KIF21A: variants seen among roughly 807,000 people sequenced by gnomAD.
KIF21A encodes kinesin-like protein KIF21A.
In KIF21A, 114 loss-of-function variants were observed where a neutral mutation model predicts 202.9. The observed-to-expected ratio is 0.56, with a 90% confidence interval of 0.48 to 0.66. KIF21A has a LOEUF of 0.66. Among genes scored for constraint, KIF21A ranks in the 30% least tolerant of loss-of-function variants. The pLI, the probability that KIF21A is intolerant of heterozygous loss-of-function variation, is 0.00. For synonymous variants in KIF21A, 667 were observed against 670.8 expected, an observed-to-expected ratio of 0.99 and a Z score of 0.09; for missense variants, 1,677 against 1,994.9, an observed-to-expected ratio of 0.84 and a Z score of 3.04.
chr12:39,294,176 C>A lies in KIF21A; in HGVS notation c.*248G>T, dbSNP rs1327479235. 7.6e-6 allele frequency: 3 copies of A among 394,148 alleles called. No individual in the cohort carries two copies. The highest frequency in any genetic ancestry group is 6.2e-5 in the African/African-American group (3 of 48,644). 24.4% of individuals were successfully genotyped at this position (394,148 alleles called of 1,614,324 possible). On this transcript the variant is annotated 3_prime_UTR_variant, in exon 38 of 38. Transcript: ENST00000361418. Reference sequence around the variant, plus strand: ...ATAGATAGGCACAAAAATTCAGCCACAATAAAAGTGTGAATAAAGCAATAT... The same window carrying A: ...ATAGATAGGCACAAAAATTCAGCCAAAATAAAAGTGTGAATAAAGCAATAT...
chr12:39,308,016 G>A (rs1478539059), intron 33 of KIF21A, among the ~76,000 whole-genome samples: 2 of 151,966 alleles, frequency 1.3e-5, no homozygotes, highest in South Asian at 2.1e-4. Context: ...CCCTGAGTTA[G>A]GAAGGGCTAA....
At chr12:39,304,737 G>A (rs1943289411) in intron 35 of KIF21A, 84 bp downstream of exon 35, 2 of 758,632 alleles carry the variant, frequency 2.6e-6, no homozygotes, top group Admixed American at 4.1e-5. Context: ...AAGAAAATAA[G>A]AGAAAGAGGT....
rs2139518047 is a variant in KIF21A, at chr12:39,385,177, T to C, written c.45-14916A>G. ...GTCTGTCTGCCATAGTCAAGACAGT[T>C]CTTTCTCAGGAACTATGACATTTGA... On this transcript the variant is annotated intron_variant, in intron 1 of 37. Transcript: ENST00000361418. 1.3e-5 allele frequency among the ~76,000 whole-genome samples: 2 copies of C among 152,306 alleles called. 1 individual carries two copies. The highest frequency in any genetic ancestry group is 4.2e-4 in the South Asian group (2 of 4,812).
At chr12:39,377,356 T>C (rs1950333417) in intron 1 of KIF21A, among the ~76,000 whole-genome samples, 1 of 152,150 alleles carries the variant, frequency 6.6e-6, no homozygotes, top group Non-Finnish European at 1.5e-5. Context: ...TTCCTTCCAT[T>C]TCCCCAAAAT....
intron 17 of KIF21A, among the ~76,000 whole-genome samples, chr12:39,336,157 C>A (rs750943706): frequency 6.6e-5 from 10 of 151,988 alleles, no homozygotes; most frequent in Non-Finnish European, 1.2e-4. Flanking sequence ...GGGCTCAAAG[C>A]AATCCTCCGG....
intron 34 of KIF21A, among the ~76,000 whole-genome samples, chr12:39,306,940 C>T (rs1198500803): frequency 6.6e-6 from 1 of 152,084 alleles, no homozygotes; most frequent in South Asian, 2.1e-4. Flanking sequence ...TGTTTCCTTG[C>T]TGCCAAAATT....
intron 1 of KIF21A, among the ~76,000 whole-genome samples, chr12:39,390,753 AAAC>A (rs547583413): frequency 1.7e-4 from 26 of 152,210 alleles, no homozygotes; most frequent in Non-Finnish European, 2.6e-4. Context: ...TATTGGAAAA[AAAC>A]AACAATATAT....
chr12:39,369,765 A>C lies in KIF21A; in HGVS notation c.414T>G (p.Pro138=). 6.2e-7 allele frequency: 1 copy of C among 1,613,032 alleles called. No individual in the cohort carries two copies. Among genetic ancestry groups the C allele is most frequent in the South Asian group, 1.1e-5 (1 of 90,830 alleles). The change falls in exon 3 of 38, where the codon CCT becomes CCG. Residue 138 remains proline (P), a synonymous_variant. Coordinates refer to ENST00000361418, the MANE Select transcript of KIF21A (RefSeq NM_001173464.2). ...KKHIAIKNGL[P]APDFKVNAQF... ...GGGCATTCACTTTAAAATCTGGAGCAGGAAGCCCATTTTTAATTGCTATGT... is the reference window on the plus strand; with the variant it reads ...GGGCATTCACTTTAAAATCTGGAGCCGGAAGCCCATTTTTAATTGCTATGT...
chr12:39,437,888 T>C (rs111469625), intron 1 of KIF21A, among the ~76,000 whole-genome samples: 1 of 152,236 alleles, frequency 6.6e-6, no homozygotes, highest in African/African-American at 2.4e-5. Flanking sequence ...GAGGTCTTAC[T>C]CATTTGCTTC....
intron 7 of KIF21A, among the ~76,000 whole-genome samples, chr12:39,361,426 C>A (rs1297692612): frequency 6.6e-6 from 1 of 151,700 alleles, no homozygotes; most frequent in Non-Finnish European, 1.5e-5. Flanking sequence ...ATAGGATGTG[C>A]TGGAAGAGAC....
chr12:39,294,521 C>CA lies in KIF21A; in HGVS notation c.4932-5dup, dbSNP rs1942106510. The CA allele has an allele frequency of 1.9e-6, 3 of 1,609,606 alleles. No individual in the cohort carries two copies. The highest frequency in any genetic ancestry group is 1.7e-5 in the Admixed American group (1 of 59,948). ...CCAAATTCTCACAGTTCGATCACTA[C>CA]AAAAAAATAAACAAAACATGGATAT... On this transcript the variant is annotated splice_region_variant and splice_polypyrimidine_tract_variant and intron_variant, in intron 37 of 37. Coordinates refer to ENST00000361418, the MANE Select transcript of KIF21A (RefSeq NM_001173464.2).
At chr12:39,295,567 C>A (rs930130675) in intron 37 of KIF21A, among the ~76,000 whole-genome samples, 5 of 152,030 alleles carry the variant, frequency 3.3e-5, no homozygotes, top group Non-Finnish European at 5.9e-5. Flanking sequence ...AGCACACATA[C>A]ATTGATAACA....
At chr12:39,297,072 T>C (rs996572000) in intron 37 of KIF21A, among the ~76,000 whole-genome samples, 1 of 152,144 alleles carries the variant, frequency 6.6e-6, no homozygotes, top group Non-Finnish European at 1.5e-5. Flanking sequence ...AAGGTAGAAC[T>C]AACAGGACTT....
At chr12:39,306,007 T>A (rs1471573194) in intron 34 of KIF21A, among the ~76,000 whole-genome samples, 1 of 152,204 alleles carries the variant, frequency 6.6e-6, no homozygotes, top group Non-Finnish European at 1.5e-5. Flanking sequence ...ATTTCATCAA[T>A]TATTATAAAG....
In KIF21A at chr12:39,363,322, G is replaced by A. The variant is rs1592346228; in HGVS notation, c.904-109C>T. ...TAATATAGAGACATAATATAATTAA[G>A]AATATTTGTGTTTGGTTTTGTTTTA... On this transcript the variant is annotated intron_variant, in intron 6 of 37. Coordinates refer to ENST00000361418, the MANE Select transcript of KIF21A (RefSeq NM_001173464.2). 3.0e-6 allele frequency: 2 copies of A among 668,918 alleles called. 1 individual carries two copies. Among genetic ancestry groups the A allele is most frequent in the East Asian group, 5.8e-5 (2 of 34,704 alleles). 41.4% of individuals were successfully genotyped at this position (668,918 alleles called of 1,614,324 possible).
At chr12:39,439,128 A>T (rs1193661525) in intron 1 of KIF21A, among the ~76,000 whole-genome samples, 1 of 152,192 alleles carries the variant, frequency 6.6e-6, no homozygotes, top group African/African-American at 2.4e-5. Flanking sequence ...TCTTACATGT[A>T]TATATATACT....
intron 27 of KIF21A, chr12:39,321,753 T>C (rs1392339465): frequency 1.3e-5 from 2 of 152,214 alleles, no homozygotes; most frequent in African/African-American, 2.4e-5. Flanking sequence ...TTACAGATCA[T>C]ATAGTGTGTG....
chr12:39,430,561 C>T (rs1409072476), intron 1 of KIF21A, among the ~76,000 whole-genome samples: 1 of 147,626 alleles, frequency 6.8e-6, no homozygotes, highest in Non-Finnish European at 1.5e-5. Context: ...AGCAAGACTT[C>T]GTCTCAAAAA....
Position 39,301,580 on chromosome 12 carries a change from A to T in KIF21A, c.4831T>A (p.Trp1611Arg). The T allele has an allele frequency of 6.2e-7, 1 of 1,614,136 alleles. No homozygotes were observed. The highest frequency in any genetic ancestry group is 8.5e-7 in the Non-Finnish European group (1 of 1,179,982). ...ACTGGCATAAAAGTATCCATGTTCC[A>T]GACTTTCAAAATGCCCCCTCTGCAG... ...SGCRGGILKV[W>R]NMDTFMPVGE... The change falls in exon 37 of 38, where the codon TGG becomes AGG. Residue 1611 changes from tryptophan to arginine, a missense_variant. By Grantham distance (101) the Trp-to-Arg change is moderately radical. This residue lies in a region of KIF21A where 705 missense variants were observed against 791.9 expected (regional missense o/e 0.89). Coordinates refer to ENST00000361418, the MANE Select transcript of KIF21A (RefSeq NM_001173464.2).
Sources: gnomAD v4.1 joint callset for allele counts (sites outside exome capture counted in the v4.1 genomes callset) on GRCh38, gnomAD v4.1.1 for gene constraint, gnomAD v4.1.1 regional missense constraint, MANE v1.5 for transcripts, NCBI Gene and HGNC (gene_info 2026-07-23, HGNC 2026-07-21) for gene names.